Variants in LINGO2 observed in about 807,000 individuals in gnomAD.
LINGO2 encodes the protein leucine-rich repeat and immunoglobulin-like domain-containing nogo receptor-interacting protein 2.
LINGO2 carries 14 observed loss-of-function variants against 30.6 expected under a neutral mutation model. That is an observed-to-expected ratio of 0.46 (90% confidence interval 0.30 to 0.72). The LOEUF (loss-of-function observed/expected upper bound fraction) is 0.72, where lower values mean the gene tolerates loss of function less well. LINGO2 is among the 30% of genes least tolerant of loss of function. The pLI is 0.07. For missense variants in LINGO2, 729 were observed against 751.7 expected, an observed-to-expected ratio of 0.97 and a Z score of 0.35; for synonymous variants, 317 against 288.5, an observed-to-expected ratio of 1.10 and a Z score of -1.00.
chr9:28,104,223 A>G (rs1826502359), intron 4 of LINGO2, among the ~76,000 whole-genome samples: 1 of 148,002 alleles, frequency 6.8e-6, no homozygotes, highest in South Asian at 2.2e-4. Context: ...TGAGAAGAGT[A>G]AGGAGTAGGG....
At chr9:28,241,080 C>T (rs939892250) in intron 4 of LINGO2, among the ~76,000 whole-genome samples, 6 of 151,810 alleles carry the variant, frequency 4.0e-5, no homozygotes, top group Non-Finnish European at 5.9e-5. Context: ...ACCATCCTGG[C>T]CAACATGGTG....
the LINGO2 span, among the ~76,000 whole-genome samples, chr9:28,759,942 C>T: frequency 6.6e-6 from 1 of 151,976 alleles, no homozygotes; most frequent in Admixed American, 6.5e-5. Context: ...CATCATCTAC[C>T]ACTTTCCCTG....
At chr9:28,314,836 T>G (rs1200792224) in intron 3 of LINGO2, among the ~76,000 whole-genome samples, 1 of 151,186 alleles carries the variant, frequency 6.6e-6, no homozygotes, top group East Asian at 2.0e-4. Context: ...TACCAAAAAA[T>G]TAGCCGGGCG....
intron 4 of LINGO2, among the ~76,000 whole-genome samples, chr9:28,085,580 G>A (rs558609502): frequency 1.3e-5 from 2 of 152,084 alleles, no homozygotes; most frequent in Non-Finnish European, 2.9e-5. Context: ...CAAATGGACT[G>A]CCTTATTGGA....
chr9:28,515,425 C>A (rs1820583267), intron 1 of LINGO2, among the ~76,000 whole-genome samples: 1 of 152,116 alleles, frequency 6.6e-6, no homozygotes, highest in Non-Finnish European at 1.5e-5. Flanking sequence ...CCAGGATGCT[C>A]TCTATCTCCT....
At chr9:28,209,915 C>G (rs1297884435) in intron 4 of LINGO2, among the ~76,000 whole-genome samples, 1 of 151,698 alleles carries the variant, frequency 6.6e-6, no homozygotes, top group Admixed American at 6.6e-5. Context: ...TATGAAACTA[C>G]TCACTGAAAA....
At chr9:28,000,945 T>C (rs748022502) in intron 5 of LINGO2, among the ~76,000 whole-genome samples, 6 of 152,218 alleles carry the variant, frequency 3.9e-5, no homozygotes, top group Non-Finnish European at 7.3e-5. Context: ...TCAAACAATG[T>C]CTAAAACTGT....
intron 1 of LINGO2, among the ~76,000 whole-genome samples, chr9:28,630,633 C>T (rs1826892426): frequency 6.6e-6 from 1 of 152,056 alleles, no homozygotes; most frequent in African/African-American, 2.4e-5. Flanking sequence ...GCTTCTAATG[C>T]TATCAAAACT....
rs545876880 is a variant in LINGO2 at position 28,094,195 on chromosome 9, A to G, written c.-86-81790T>C. On this transcript the variant is annotated intron_variant, in intron 4 of 5. Transcript: ENST00000379992. ...AGGGAAGAAAATGACTGTAAGATGC[A>G]TAAGTTGACTGCCAAAGGAGGAATA... is the stretch of plus-strand genomic sequence containing the variant. Among the ~76,000 whole-genome samples, 9 of 152,268 alleles carry G rather than the reference A, an allele frequency of 5.9e-5. No homozygotes were observed. The East Asian group carries it at 1.7e-3, about 29-fold the overall frequency.
intron 1 of LINGO2, among the ~76,000 whole-genome samples, chr9:28,604,360 G>A (rs992477172): frequency 1.3e-5 from 2 of 152,048 alleles, no homozygotes; most frequent in Non-Finnish European, 2.9e-5. Context: ...ATGACTTAGG[G>A]AAGCCTAATC....
intron 2 of LINGO2, among the ~76,000 whole-genome samples, chr9:28,447,631 T>C (rs1270116830): frequency 6.6e-6 from 1 of 152,156 alleles, no homozygotes; most frequent in Non-Finnish European, 1.5e-5. Context: ...ATTAAACTAA[T>C]AGATGTTTCA....
chr9:28,709,432 A>G, the LINGO2 span, among the ~76,000 whole-genome samples: 1 of 152,040 alleles, frequency 6.6e-6, no homozygotes, highest in Non-Finnish European at 1.5e-5. Flanking sequence ...GAATTTTAGA[A>G]AGATAAATTT....
At chr9:28,185,151 C>T (rs1407796629) in intron 4 of LINGO2, among the ~76,000 whole-genome samples, 1 of 152,100 alleles carries the variant, frequency 6.6e-6, no homozygotes, top group African/African-American at 2.4e-5. Context: ...TAAGCATTGC[C>T]CTCTTTGGAC....
intron 4 of LINGO2, among the ~76,000 whole-genome samples, chr9:28,189,713 A>AAGGAAGGGAGGAAGGAAGGGAGGG (rs1564029708): frequency 1.1e-5 from 1 of 94,064 alleles, no homozygotes; most frequent in Non-Finnish European, 2.3e-5. Flanking sequence ...GGAAGGAAGG[A>AAGGAAGGGAGGAAGGAAGGGAGGG]AGGAAGGAAG....
intron 1 of LINGO2, among the ~76,000 whole-genome samples, chr9:28,507,719 AT>A (rs1352871373): frequency 6.6e-6 from 1 of 152,156 alleles, no homozygotes; most frequent in Non-Finnish European, 1.5e-5. Flanking sequence ...TCAAGTATTA[AT>A]AGTGGCTATA....
intron 3 of LINGO2, among the ~76,000 whole-genome samples, chr9:28,306,572 T>A (rs988509550): frequency 1.3e-4 from 20 of 151,716 alleles, no homozygotes; most frequent in Non-Finnish European, 2.4e-4. Flanking sequence ...AAGAAATAAC[T>A]AAAATCAGAG....
intron 4 of LINGO2, among the ~76,000 whole-genome samples, chr9:28,208,175 ATAC>A (rs1407499265): frequency 5.3e-5 from 8 of 152,086 alleles, no homozygotes; most frequent in Admixed American, 2.6e-4. Context: ...TTGTCCATTT[ATAC>A]TACAAGTGCA....
chr9:28,554,304 A>C (rs1822509908), intron 1 of LINGO2, among the ~76,000 whole-genome samples: 1 of 150,486 alleles, frequency 6.6e-6, no homozygotes, highest in African/African-American at 2.5e-5. Context: ...ATGGAGGAAG[A>C]TCTACCAAGC....
chr9:28,217,417 A>G (rs988229814), intron 4 of LINGO2, among the ~76,000 whole-genome samples: 12 of 151,814 alleles, frequency 7.9e-5, no homozygotes, highest in Non-Finnish European at 1.8e-4. Context: ...CAAGATTCAC[A>G]AAAAAAAGAA....
Sources: allele counts gnomAD v4.1 joint callset (sites outside exome capture counted in the v4.1 genomes callset), GRCh38; gene constraint gnomAD v4.1.1; transcripts MANE v1.5; gene names NCBI Gene and HGNC (gene_info 2026-07-23, HGNC 2026-07-21).